Variants in NDRG3 observed in about 807,000 individuals in gnomAD.
NDRG3 encodes NDRG family member 3, also known as protein NDRG3.
A neutral mutation model predicts 57.2 loss-of-function variants in NDRG3; 23 were observed. That is an observed-to-expected ratio of 0.40 (90% CI 0.29 to 0.57). The LOEUF (loss-of-function observed/expected upper bound fraction) is 0.57. Ranked by LOEUF, NDRG3 falls within the 20% of genes least tolerant of loss-of-function variation. NDRG3 has a pLI of 0.42. For synonymous variants in NDRG3, 132 were observed against 162.6 expected, an observed-to-expected ratio of 0.81 and a Z score of 1.43; for missense variants, 384 against 457.3, an observed-to-expected ratio of 0.84 and a Z score of 1.46.
At chr20:36,656,995 C>T (rs1343178959) in intron 13 of NDRG3, among the ~76,000 whole-genome samples, 2 of 152,200 alleles carry the variant, frequency 1.3e-5, no homozygotes, top group Non-Finnish European at 2.9e-5. Context: ...CAGCCACTTT[C>T]CTCTAATAGC....
intron 1 of NDRG3, among the ~76,000 whole-genome samples, chr20:36,737,918 G>A (rs928939496): frequency 2.6e-5 from 4 of 151,826 alleles, no homozygotes; most frequent in African/African-American, 7.2e-5. Flanking sequence ...CAAAAAATTC[G>A]CCAGGCATGG....
chr20:36,659,633 C>T (rs1978980200), intron 13 of NDRG3, among the ~76,000 whole-genome samples: 1 of 152,050 alleles, frequency 6.6e-6, no homozygotes, highest in Non-Finnish European at 1.5e-5. Context: ...TGGAGTCTTG[C>T]TCTGTCGCCC....
intron 2 of NDRG3, among the ~76,000 whole-genome samples, chr20:36,719,029 T>C (rs943852100): frequency 1.4e-4 from 22 of 152,064 alleles, no homozygotes; most frequent in African/African-American, 5.3e-4. Context: ...GGCACAACAT[T>C]TTTGGCACAG....
chr20:36,660,559 TA>T lies in NDRG3; in HGVS notation c.811-176del, dbSNP rs1222605541. 3.2e-4 allele frequency among the ~76,000 whole-genome samples: 48 copies of T among 150,970 alleles called. 1 individual carries two copies. The highest frequency in any genetic ancestry group is 7.8e-4 in the African/African-American group (32 of 40,846). On this transcript the variant is annotated intron_variant, in intron 12 of 15. Transcript: ENST00000349004. ...AGATATATTTATTTATTTATTTATT[TA>T]TTTATTTATTTTTTTTTTGAGACGG...
intron 11 of NDRG3, 48 bp from the exon 12 acceptor site, chr20:36,665,145 T>C (rs758455263): frequency 1.2e-6 from 2 of 1,610,466 alleles, no homozygotes; most frequent in Non-Finnish European, 1.7e-6. Context: ...GGCACATAAA[T>C]TCCACTGAAC....
At chr20:36,723,094 C>G (rs1422761087) in intron 1 of NDRG3, among the ~76,000 whole-genome samples, 1 of 152,202 alleles carries the variant, frequency 6.6e-6, no homozygotes, top group Admixed American at 6.5e-5. Flanking sequence ...CCCAGGGACA[C>G]CTGACTGCAA....
chr20:36,678,636 T>C (rs1980968242), intron 8 of NDRG3, among the ~76,000 whole-genome samples: 1 of 152,208 alleles, frequency 6.6e-6, no homozygotes, highest in Non-Finnish European at 1.5e-5. Flanking sequence ...GCCAAGATCA[T>C]GCCACTGCAC....
chr20:36,702,144 CTTT>C (rs958255990), intron 3 of NDRG3, among the ~76,000 whole-genome samples: 1 of 148,788 alleles, frequency 6.7e-6, no homozygotes, highest in East Asian at 2.0e-4. Flanking sequence ...GAAATGTCAA[CTTT>C]TTTTTTTGAG....
At chr20:36,700,781 C>CT (rs372807539) in intron 3 of NDRG3, 119 of 184,284 alleles carry the variant, frequency 6.5e-4, no homozygotes, top group Middle Eastern at 2.4e-3. Context: ...TTTCTTTCTT[C>CT]TTTTTTTTTG....
chr20:36,745,194 C>CTTA (rs1196595718), intron 1 of NDRG3, among the ~76,000 whole-genome samples: 1 of 152,128 alleles, frequency 6.6e-6, no homozygotes, highest in Non-Finnish European at 1.5e-5. Context: ...GCGAGGTTAT[C>CTTA]TTAATAAAAT....
chr20:36,690,399 C>CAAATA, intron 3 of NDRG3, among the ~76,000 whole-genome samples: 1 of 149,582 alleles, frequency 6.7e-6, no homozygotes, highest in East Asian at 2.0e-4. Flanking sequence ...GCTCAGGAAC[C>CAAATA]GAATAGAGCA....
intron 1 of NDRG3, among the ~76,000 whole-genome samples, chr20:36,724,548 C>T (rs1160020726): frequency 6.6e-6 from 1 of 152,208 alleles, no homozygotes; most frequent in Non-Finnish European, 1.5e-5. Flanking sequence ...GAATCTACTC[C>T]ATGTTTGTTT....
intron 2 of NDRG3, among the ~76,000 whole-genome samples, chr20:36,720,317 C>A (rs1041990497): frequency 4.0e-5 from 6 of 151,314 alleles, no homozygotes; most frequent in Non-Finnish European, 7.4e-5. Context: ...GGACTACAGG[C>A]CTGCACCACC....
rs551914837 is a variant in NDRG3, at chr20:36,665,283, G to A, written c.711C>T (p.Ile237=). ...NSYNGRRDLE[I]ERPILGQNDN... ...CATTTTGGCCCAGTATGGGTCTTTC[G>A]ATCTCCAGGTCTCTGCGTCTAGAAA... The change falls in exon 11 of 16, where the codon ATC becomes ATT. Residue 237 remains isoleucine (I), a synonymous_variant. Coordinates refer to ENST00000349004, the MANE Select transcript of NDRG3 (RefSeq NM_032013.4). The A allele has an allele frequency of 1.2e-5, 19 of 1,614,084 alleles. No homozygotes were observed. In the Admixed American group the frequency reaches 1.3e-4, roughly 11 times the overall value.
chr20:36,732,956 G>A (rs896414261), intron 1 of NDRG3, among the ~76,000 whole-genome samples: 20 of 151,012 alleles, frequency 1.3e-4, no homozygotes, highest in Middle Eastern at 3.2e-3. Flanking sequence ...AGACCAGCCC[G>A]GGCAACATGG....
intron 3 of NDRG3, among the ~76,000 whole-genome samples, chr20:36,693,470 T>G (rs1305184139): frequency 1.3e-5 from 2 of 151,688 alleles, no homozygotes; most frequent in African/African-American, 4.8e-5. Context: ...ATATTTTGTA[T>G]GTTATATTAT....
At chr20:36,672,890 G>T (rs1481123853) in intron 8 of NDRG3, among the ~76,000 whole-genome samples, 8 of 151,932 alleles carry the variant, frequency 5.3e-5, no homozygotes, top group Non-Finnish European at 1.0e-4. Context: ...GATTGACAGG[G>T]TCTCTCTCTG....
chr20:36,717,489 A>T (rs889558032), intron 2 of NDRG3, among the ~76,000 whole-genome samples: 1 of 152,250 alleles, frequency 6.6e-6, no homozygotes, highest in Non-Finnish European at 1.5e-5. Flanking sequence ...ATGCCAAAAC[A>T]TCTATAGGAT....
chr20:36,675,210 C>T (rs1409037184), intron 8 of NDRG3, among the ~76,000 whole-genome samples: 1 of 150,900 alleles, frequency 6.6e-6, no homozygotes, highest in Non-Finnish European at 1.5e-5. Context: ...CAGACATGTG[C>T]CACCAGGCCC....
Sources: gnomAD v4.1 joint callset for allele counts (sites outside exome capture counted in the v4.1 genomes callset) on GRCh38, gnomAD v4.1.1 for gene constraint, MANE v1.5 for transcripts, NCBI Gene and HGNC (gene_info 2026-07-23, HGNC 2026-07-21) for gene names.